The following TRARG1 variants were observed in gnomAD, a reference collection of about 807,000 sequenced individuals.
TRARG1 encodes trafficking regulator of GLUT4 (SLC2A4) 1 (gene/pseudogene).
In TRARG1, 16 loss-of-function variants were observed where a neutral mutation model predicts 13.3. The observed-to-expected ratio is 1.20, with a 90% CI of 0.81 to 1.83. The LOEUF (loss-of-function observed/expected upper bound fraction) is 1.83. Among genes scored for constraint, TRARG1 ranks in the 40% most tolerant of loss-of-function variants. TRARG1 has a pLI of 0.00. For synonymous variants in TRARG1, 113 were observed against 106.2 expected (o/e 1.06, Z -0.39); for missense variants, 250 against 237.4 (o/e 1.05, Z -0.35).
chr17:1,284,050 G>T (rs1438543236), intron 1 of TRARG1, among the ~76,000 whole-genome samples: 1 of 151,816 alleles, frequency 6.6e-6, no homozygotes, highest in South Asian at 2.1e-4. Context: ...GGGAGGCGGA[G>T]CTTACAGTGA....
In TRARG1 at chr17:1,280,149, C is replaced by A; in HGVS notation, c.148C>A (p.Pro50Thr). 2 of 1,614,016 alleles carry A rather than the reference C, an allele frequency of 1.2e-6. No individual in the cohort carries two copies. Among genetic ancestry groups the A allele is most frequent in the Non-Finnish European group, 1.7e-6 (2 of 1,180,002 alleles). The change falls in exon 1 of 3, where the codon CCT becomes ACT. Residue 50 changes from proline (P) to threonine (T), a missense_variant. Pro to Thr is a conservative substitution (Grantham distance 38, BLOSUM62 -1). Coordinates refer to ENST00000333813, the MANE Select transcript of TRARG1 (RefSeq NM_172367.3). ...GAATCTGTCCAAGACCCTCTCGGGG[C>A]CTCTGGATCTGGAGCAGAACAGCCA... ...TLNLSKTLSG[P>T]LDLEQNSQGL...
At chr17:1,282,715 A>C (rs973991592) in intron 1 of TRARG1, among the ~76,000 whole-genome samples, 1 of 150,852 alleles carries the variant, frequency 6.6e-6, no homozygotes, top group Non-Finnish European at 1.5e-5. Flanking sequence ...TTTGAAACGG[A>C]GCCTCGCTCT....
chr17:1,281,932 A>G (rs1314315659), intron 1 of TRARG1, among the ~76,000 whole-genome samples: 2 of 151,990 alleles, frequency 1.3e-5, no homozygotes, highest in African/African-American at 2.4e-5. Context: ...ATACATATAC[A>G]TACATGTACA....
intron 1 of TRARG1, among the ~76,000 whole-genome samples, chr17:1,295,014 G>T (rs546080071): frequency 1.3e-5 from 2 of 152,160 alleles, no homozygotes; most frequent in Admixed American, 6.5e-5. Context: ...AGGCAGGGGT[G>T]GGGGGTGCTT....
At chr17:1,281,197 C>T (rs1026780389) in intron 1 of TRARG1, among the ~76,000 whole-genome samples, 4 of 152,184 alleles carry the variant, frequency 2.6e-5, no homozygotes, top group Non-Finnish European at 5.9e-5. Context: ...ATAAAGGATT[C>T]CATAGAAAAT....
At chr17:1,295,817 G>A (rs1255324241) in intron 2 of TRARG1, among the ~76,000 whole-genome samples, 194 bp downstream of exon 2, 1 of 152,232 alleles carries the variant, frequency 6.6e-6, no homozygotes, top group Admixed American at 6.5e-5. Flanking sequence ...GGATGGGCTG[G>A]CAGACTTGTC....
intron 1 of TRARG1, among the ~76,000 whole-genome samples, chr17:1,286,688 C>CTGTGGGGTGT (rs2072027495): frequency 7.8e-6 from 1 of 127,938 alleles, no homozygotes; most frequent in Admixed American, 8.3e-5. Flanking sequence ...TGTTATCAGC[C>CTGTGGGGTGT]TGTGGGGTGT....
rs2072132624 is a variant in TRARG1, at chr17:1,298,832, C to T, written c.*568C>T. On this transcript the variant is annotated 3_prime_UTR_variant, in exon 3 of 3. Transcript: ENST00000333813. ...GCTCAGCACAGGCCTGGGACCTCCC[C>T]CGGCAGGCACCTGTGGGGGGTGCAG... 1 of 152,544 alleles carries T rather than the reference C, an allele frequency of 6.6e-6. No homozygotes were observed. Among genetic ancestry groups the T allele is most frequent in the African/African-American group, 2.4e-5 (1 of 41,472 alleles). 9.4% of individuals were successfully genotyped at this position (152,544 alleles called of 1,614,324 possible). A position where few individuals can be genotyped will look rare whatever the true frequency, so the allele number is the denominator to read the frequency against.
At chr17:1,289,832 T>C (rs1357194348) in intron 1 of TRARG1, among the ~76,000 whole-genome samples, 1 of 152,026 alleles carries the variant, frequency 6.6e-6, no homozygotes, top group Admixed American at 6.6e-5. Context: ...TCTGCCCAAA[T>C]ACAAGTCCAA....
intron 1 of TRARG1, 112 bp downstream of exon 1, chr17:1,280,500 G>C: frequency 8.1e-7 from 1 of 1,228,378 alleles, no homozygotes; most frequent in Non-Finnish European, 1.1e-6. Flanking sequence ...AGAGCTGGGA[G>C]TGGGGGGCTT....
chr17:1,286,309 G>A (rs1025647112), intron 1 of TRARG1, among the ~76,000 whole-genome samples: 5 of 152,238 alleles, frequency 3.3e-5, no homozygotes, highest in African/African-American at 1.2e-4. Context: ...CAAGGCCTCT[G>A]CTGAGGCTGG....
At chr17:1,282,127 C>CGT (rs1214159169) in intron 1 of TRARG1, among the ~76,000 whole-genome samples, 1 of 68,496 alleles carries the variant, frequency 1.5e-5, no homozygotes, top group African/African-American at 5.6e-5. Flanking sequence ...CACATATGTA[C>CGT]ATATACACGC....
At chr17:1,281,974 G>A (rs1047945701) in intron 1 of TRARG1, among the ~76,000 whole-genome samples, 32 of 148,282 alleles carry the variant, frequency 2.2e-4, no homozygotes, top group African/African-American at 4.7e-4. Flanking sequence ...ATATGCACAC[G>A]TGTACATATA....
intron 1 of TRARG1, among the ~76,000 whole-genome samples, chr17:1,288,653 A>G (rs1204148092): frequency 1.1e-4 from 1 of 8,712 alleles, no homozygotes; most frequent in Non-Finnish European, 1.8e-4. Context: ...ATCCCCCTCC[A>G]GCTTCTCATC....
intron 1 of TRARG1, among the ~76,000 whole-genome samples, chr17:1,286,411 T>TGA (rs754547563): frequency 3.2e-5 from 3 of 95,084 alleles, no homozygotes; most frequent in Non-Finnish European, 2.0e-5. Flanking sequence ...GGCCTGCGGG[T>TGA]TGTTATCAGC....
In TRARG1 at chr17:1,279,999, C is replaced by G. The variant is rs771526695; in HGVS notation, c.-3C>G. ...GCTGCAGCCGCGCAAGGCCCAGGCCCCCATGGCCCACCCGGTGCAGTCCGA... is the reference window on the plus strand; with the variant it reads ...GCTGCAGCCGCGCAAGGCCCAGGCCGCCATGGCCCACCCGGTGCAGTCCGA... On this transcript the variant is annotated 5_prime_UTR_variant, in exon 1 of 3. Coordinates refer to ENST00000333813, the MANE Select transcript of TRARG1 (RefSeq NM_172367.3). 7 of 1,608,992 alleles carry G rather than the reference C, an allele frequency of 4.4e-6. No homozygotes were observed. The East Asian group carries it at 1.6e-4, about 36-fold the overall frequency.
rs1598185991 is a variant in TRARG1 at position 1,280,026 on chromosome 17, T to C, written c.25T>C (p.Phe9Leu). 1 of 1,612,730 alleles carries C rather than the reference T, an allele frequency of 6.2e-7. No individual in the cohort carries two copies. Among genetic ancestry groups the C allele is most frequent in the South Asian group, 1.1e-5 (1 of 91,018 alleles). Residue 9 changes from phenylalanine (F) to leucine (L), a missense_variant, in exon 1 of 3, where the codon TTT becomes CTT. Coordinates refer to ENST00000333813, the MANE Select transcript of TRARG1 (RefSeq NM_172367.3). MAHPVQSEFPSAQEPGSAA... is the reference protein window; with the variant it reads MAHPVQSELPSAQEPGSAA... ...CATGGCCCACCCGGTGCAGTCCGAGTTTCCTTCAGCACAGGAGCCAGGCTC... is the reference window on the plus strand; with the variant it reads ...CATGGCCCACCCGGTGCAGTCCGAGCTTCCTTCAGCACAGGAGCCAGGCTC...
chr17:1,280,681 G>T (rs1045495233), intron 1 of TRARG1, among the ~76,000 whole-genome samples: 7 of 152,158 alleles, frequency 4.6e-5, no homozygotes, highest in African/African-American at 1.7e-4. Flanking sequence ...GATACATCCC[G>T]CGGGGCAGAA....
Position 1,298,085 on chromosome 17 carries a change from T to C in TRARG1, c.521-166T>C, listed in dbSNP as rs776192309. On this transcript the variant is annotated intron_variant, in intron 2 of 2. Transcript: ENST00000333813. ...AGTCCTCTTACTGGCAGGAGTTCAG[T>C]TACTCCAAGAGCTCCAAACCAAAGA... Among the ~76,000 whole-genome samples the C allele has an allele frequency of 9.9e-5, 15 of 152,144 alleles. 1 individual carries two copies. The highest frequency in any genetic ancestry group is 1.8e-4 in the Non-Finnish European group (12 of 68,036).
Sources: gnomAD v4.1 joint callset for allele counts (sites outside exome capture counted in the v4.1 genomes callset) on GRCh38, gnomAD v4.1.1 for gene constraint, MANE v1.5 for transcripts, NCBI Gene and HGNC (gene_info 2026-07-23, HGNC 2026-07-21) for gene names.